The following LRRC49 variants were observed in gnomAD, a reference collection of about 807,000 sequenced individuals.
LRRC49 encodes leucine-rich repeat-containing protein 49.
Under a neutral mutation model 83.3 loss-of-function variants are expected in LRRC49, and 50 were observed. The ratio of observed to expected loss-of-function variants is 0.60; its 90% confidence interval spans 0.48 to 0.76. The LOEUF is 0.76. Ranked by LOEUF, LRRC49 falls within the 30% of genes least tolerant of loss-of-function variation. The pLI, the probability that LRRC49 is intolerant of heterozygous loss-of-function variation, is 0.00. For missense variants in LRRC49, 704 were observed against 809.1 expected (o/e 0.87, Z 1.58); for synonymous variants, 286 against 283.3 (o/e 1.01, Z -0.10).
chr15:70,910,223 T>A (rs532794160), intron 5 of LRRC49, among the ~76,000 whole-genome samples: 11 of 152,186 alleles, frequency 7.2e-5, no homozygotes, highest in Non-Finnish European at 1.3e-4. Flanking sequence ...TTTTTATAAA[T>A]TAAATTGGAT....
intron 10 of LRRC49, among the ~76,000 whole-genome samples, chr15:70,981,790 G>A (rs563680386): frequency 1.8e-4 from 28 of 152,044 alleles, no homozygotes; most frequent in African/African-American, 6.3e-4. Context: ...CATAATTGTC[G>A]CTGATATCCC....
intron 7 of LRRC49, among the ~76,000 whole-genome samples, chr15:70,924,198 T>C (rs1174146465): frequency 2.0e-5 from 3 of 151,954 alleles, no homozygotes; most frequent in Non-Finnish European, 2.9e-5. Context: ...ATATGAAGTA[T>C]GTATTCTTTA....
At position 70,893,645 on chromosome 15, in the gene LRRC49, G is replaced by C; in HGVS notation, c.105+5G>C. 6.2e-7 allele frequency: 1 copy of C among 1,605,938 alleles called. No homozygotes were observed. The highest frequency in any genetic ancestry group is 8.5e-7 in the Non-Finnish European group (1 of 1,173,970). ...TCGCTTCCTGAAAAAAACAAAGTAA[G>C]ATTTAAGAAGGTTGGCATTTAAATT... On this transcript the variant is annotated splice_donor_5th_base_variant and intron_variant, in intron 2 of 15. Coordinates refer to ENST00000260382, the MANE Select transcript of LRRC49 (RefSeq NM_017691.5).
At chr15:70,983,266 G>C (rs566215223) in intron 10 of LRRC49, among the ~76,000 whole-genome samples, 1 of 151,964 alleles carries the variant, frequency 6.6e-6, no homozygotes, top group Non-Finnish European at 1.5e-5. Context: ...TCACAAGAGG[G>C]TTTCTATGAG....
At chr15:70,897,430 A>G (rs1461127910) in intron 3 of LRRC49, among the ~76,000 whole-genome samples, 2 of 152,178 alleles carry the variant, frequency 1.3e-5, no homozygotes, top group Non-Finnish European at 2.9e-5. Context: ...GAAATGTCTT[A>G]AATGTGTACC....
rs76973442 is a variant in LRRC49 at position 71,048,833 on chromosome 15, C to T, written c.1858-576C>T. On this transcript the variant is annotated intron_variant, in intron 15 of 15. Transcript: ENST00000260382. ...GGAGACCTGTTTCTTTAGAAGGCAA[C>T]GTCCTGGGTCCCAGGTTTCTATATG... 3.0e-3 allele frequency: 1,351 copies of T among 456,000 alleles called. 15 individuals carry two copies. The highest frequency in any genetic ancestry group is 0.025 in the African/African-American group (1,257 of 50,148). 28.2% of individuals were successfully genotyped at this position (456,000 alleles called of 1,614,324 possible). A position where few individuals can be genotyped will look rare whatever the true frequency, so the allele number is the denominator to read the frequency against.
chr15:70,960,317 C>CT (rs1195756977), intron 8 of LRRC49, among the ~76,000 whole-genome samples: 1 of 152,080 alleles, frequency 6.6e-6, no homozygotes, highest in Non-Finnish European at 1.5e-5. Flanking sequence ...CTGACAAAGC[C>CT]TAAGTTATCA....
At chr15:70,941,725 G>A (rs1348601721) in intron 8 of LRRC49, among the ~76,000 whole-genome samples, 1 of 152,066 alleles carries the variant, frequency 6.6e-6, no homozygotes, top group Non-Finnish European at 1.5e-5. Context: ...CATTAATGCT[G>A]TAAGTACAAA....
At chr15:71,019,302 C>G (rs2038923169) in intron 14 of LRRC49, among the ~76,000 whole-genome samples, 1 of 152,120 alleles carries the variant, frequency 6.6e-6, no homozygotes, top group Non-Finnish European at 1.5e-5. Flanking sequence ...CTCACACACC[C>G]CAGTTACCAG....
chr15:70,897,822 CCT>C (rs2033901026), intron 3 of LRRC49, among the ~76,000 whole-genome samples: 1 of 152,044 alleles, frequency 6.6e-6, no homozygotes, highest in Non-Finnish European at 1.5e-5. Flanking sequence ...AGAGTTAACC[CCT>C]GTCTTTGAGA....
chr15:70,923,028 A>C (rs1365930922), intron 7 of LRRC49, among the ~76,000 whole-genome samples: 1 of 152,004 alleles, frequency 6.6e-6, no homozygotes, highest in Non-Finnish European at 1.5e-5. Context: ...TAAGCCTATA[A>C]ATTTCCCTCT....
intron 7 of LRRC49, among the ~76,000 whole-genome samples, chr15:70,924,151 G>A (rs887336256): frequency 4.2e-4 from 64 of 151,776 alleles, no homozygotes; most frequent in African/African-American, 1.5e-3. Flanking sequence ...AGTATGGCAG[G>A]AATGTCAGAG....
chr15:71,037,397 G>C (rs1000378704), intron 15 of LRRC49, 65 bp downstream of exon 15: 1 of 1,350,982 alleles, frequency 7.4e-7, no homozygotes, highest in African/African-American at 1.5e-5. Flanking sequence ...TGGAATTTGG[G>C]GGTTGTACAT....
chr15:70,921,858 G>A (rs2035018225), intron 7 of LRRC49, among the ~76,000 whole-genome samples: 1 of 152,146 alleles, frequency 6.6e-6, no homozygotes, highest in Admixed American at 6.6e-5. Context: ...TTACCGTCTT[G>A]AACAGACACC....
intron 11 of LRRC49, among the ~76,000 whole-genome samples, chr15:70,999,525 G>C (rs2038189256): frequency 6.6e-6 from 1 of 152,126 alleles, no homozygotes; most frequent in Non-Finnish European, 1.5e-5. Flanking sequence ...GTTCTGTTTT[G>C]AGGCACTCTT....
At chr15:70,930,036 C>G (rs1156428196) in intron 7 of LRRC49, among the ~76,000 whole-genome samples, 1 of 152,086 alleles carries the variant, frequency 6.6e-6, no homozygotes, top group Non-Finnish European at 1.5e-5. Flanking sequence ...TGACCTCCTC[C>G]CATGAATCAT....
intron 11 of LRRC49, among the ~76,000 whole-genome samples, chr15:70,996,084 A>G (rs543689671): frequency 6.6e-6 from 1 of 152,276 alleles, no homozygotes; most frequent in South Asian, 2.1e-4. Context: ...AAACACTATT[A>G]CATTCTCTTA....
At chr15:70,874,016 C>T (rs540231752) in intron 2 of LRRC49, among the ~76,000 whole-genome samples, 2 of 152,302 alleles carry the variant, frequency 1.3e-5, no homozygotes, top group South Asian at 4.1e-4. Flanking sequence ...AGAAACTCTA[C>T]ATTTCCTGGG....
intron 12 of LRRC49, 135 bp downstream of exon 12, chr15:71,008,751 T>A (rs1039780571): frequency 1.3e-5 from 8 of 618,976 alleles, no homozygotes; most frequent in Non-Finnish European, 1.9e-5. Flanking sequence ...GTTGATTTTC[T>A]TGAGCTAGGA....
Sources: gnomAD v4.1 joint callset for allele counts (sites outside exome capture counted in the v4.1 genomes callset) on GRCh38, gnomAD v4.1.1 for gene constraint, MANE v1.5 for transcripts, NCBI Gene and HGNC (gene_info 2026-07-23, HGNC 2026-07-21) for gene names.